ITGA11: variants seen among roughly 807,000 people sequenced by gnomAD.
ITGA11 encodes the protein integrin alpha-11.
ITGA11 carries 97 observed loss-of-function variants against 141.9 expected under a neutral mutation model. The ratio of observed to expected loss-of-function variants is 0.68; its 90% CI spans 0.58 to 0.81. The LOEUF (loss-of-function observed/expected upper bound fraction) is 0.81. Ranked by LOEUF, ITGA11 falls within the 30% of genes least tolerant of loss-of-function variation. The probability of loss-of-function intolerance (pLI) is 0.00; values close to 1 mark genes in which losing one functional copy is unlikely to be tolerated. For missense variants in ITGA11, 1,387 were observed against 1,559.2 expected (o/e 0.89, Z 1.86); for synonymous variants, 658 against 624.6 (o/e 1.05, Z -0.80).
chr15:68,341,608 CT>C (rs1894572445), intron 10 of ITGA11, among the ~76,000 whole-genome samples: 1 of 152,222 alleles, frequency 6.6e-6, no homozygotes, highest in Non-Finnish European at 1.5e-5. Context: ...CATTTTCCAC[CT>C]GAACCCTCCT....
At chr15:68,365,115 G>A (rs535956492) in intron 3 of ITGA11, 70 of 982,458 alleles carry the variant, frequency 7.1e-5, no homozygotes, top group African/African-American at 2.4e-4. Flanking sequence ...CCACTTCCCC[G>A]TGTGCCCCCA....
At chr15:68,316,321 G>A (rs1483312330) in intron 21 of ITGA11, among the ~76,000 whole-genome samples, 1 of 152,216 alleles carries the variant, frequency 6.6e-6, no homozygotes, top group Non-Finnish European at 1.5e-5. Flanking sequence ...GCCCCGCGGT[G>A]GGGAAACATG....
chr15:68,337,659 G>C (rs575451528), intron 11 of ITGA11, among the ~76,000 whole-genome samples: 249 of 152,120 alleles, frequency 1.6e-3, no homozygotes, highest in African/African-American at 5.7e-3. Context: ...GGGGAAGCAG[G>C]GTGGCTTTGC....
In ITGA11 at chr15:68,357,150, C is replaced by T; in HGVS notation, c.749+1G>A. ...TTTTTTTTGTTCTACTTTTTTTTTACCGTGCAAATTCAATGCCAAATGCCG... is the reference window on the plus strand; with the variant it reads ...TTTTTTTTGTTCTACTTTTTTTTTATCGTGCAAATTCAATGCCAAATGCCG... On this transcript the variant is annotated splice_donor_variant, in intron 7 of 29. Transcript: ENST00000315757. LOFTEE classifies it high-confidence loss of function. The T allele has an allele frequency of 6.2e-7, 1 of 1,601,474 alleles. No individual in the cohort carries two copies. The highest frequency in any genetic ancestry group is 8.5e-7 in the Non-Finnish European group (1 of 1,176,630).
intron 22 of ITGA11, 104 bp from the exon 23 acceptor site, chr15:68,313,972 G>T: frequency 1.2e-6 from 1 of 847,184 alleles, no homozygotes; most frequent in Non-Finnish European, 1.9e-6. Flanking sequence ...GCTTATCTGG[G>T]GCTGATGGGC....
At chr15:68,343,002 T>TCC in intron 10 of ITGA11, among the ~76,000 whole-genome samples, 1 of 20,220 alleles carries the variant, frequency 4.9e-5, no homozygotes. Flanking sequence ...AGTTCTTCTC[T>TCC]CTCTCTCTCT....
chr15:68,377,472 C>T (rs962145517), intron 2 of ITGA11, among the ~76,000 whole-genome samples: 1 of 77,496 alleles, frequency 1.3e-5, no homozygotes, highest in Non-Finnish European at 3.4e-5. Context: ...AGGGTTTCAC[C>T]ATTTGGCCAG....
chr15:68,328,375 G>C lies in ITGA11; in HGVS notation c.1902-113C>G, dbSNP rs1271766030. On this transcript the variant is annotated intron_variant, in intron 15 of 29. Transcript: ENST00000315757. This position sits in a 1 kb window ranked among gnomAD's most constrained non-coding sequence, Gnocchi z 4.8. ...AGTGGGATCTGCAAAGCCACTGGAG[G>C]GGGTGAGGTGGAGGATGGAGGGGGC... The C allele has an allele frequency of 9.8e-6, 9 of 918,438 alleles. No homozygotes were observed. In the East Asian group the frequency reaches 1.2e-4, roughly 13 times the overall value. The allele number at this position is 918,438 out of a possible 1,614,324, so 56.9% of individuals were successfully genotyped here.
At chr15:68,430,075 C>T (rs1897234807) in intron 1 of ITGA11, among the ~76,000 whole-genome samples, 1 of 152,182 alleles carries the variant, frequency 6.6e-6, no homozygotes, top group Admixed American at 6.5e-5. Context: ...TCCTTGCAAG[C>T]AGATGTCATT....
rs906987930 is a variant in ITGA11 at position 68,348,911 on chromosome 15, G to A, written c.1061-11C>T. ...CGTTCTTGTTGGTGCCTGCAACAGAGTGACAGAGAGATGTCAGCTCCATGC... is the reference window on the plus strand; with the variant it reads ...CGTTCTTGTTGGTGCCTGCAACAGAATGACAGAGAGATGTCAGCTCCATGC... On this transcript the variant is annotated splice_polypyrimidine_tract_variant and intron_variant, in intron 9 of 29. Coordinates refer to ENST00000315757, the MANE Select transcript of ITGA11 (RefSeq NM_001004439.2). 9 of 1,599,824 alleles carry A rather than the reference G, an allele frequency of 5.6e-6. No individual in the cohort carries two copies. The African/African-American group carries it at 1.1e-4, about 19-fold the overall frequency.
intron 1 of ITGA11, among the ~76,000 whole-genome samples, chr15:68,415,495 C>T (rs1427531856): frequency 1.3e-5 from 2 of 152,146 alleles, no homozygotes; most frequent in African/African-American, 4.8e-5. Context: ...ATGAGCACAC[C>T]CCTCATTTCT....
chr15:68,307,637 C>T lies in ITGA11; in HGVS notation c.3234G>A (p.Gln1078=), dbSNP rs748298800. Residue 1078 remains glutamine, a synonymous_variant, in exon 27 of 30, where the codon CAG becomes CAA. Coordinates refer to ENST00000315757, the MANE Select transcript of ITGA11 (RefSeq NM_001004439.2). This position sits in a 1 kb window ranked among gnomAD's most constrained non-coding sequence, Gnocchi z 6.1. ...INCNIRLVPN[Q]EINFHLLGNL... is the part of the protein sequence containing the mutation. ...TCCCCAGTAGATGGAAATTGATTTCCTGGTTGGGGACCAGCCGTATATTGC... is the reference window on the plus strand; with the variant it reads ...TCCCCAGTAGATGGAAATTGATTTCTTGGTTGGGGACCAGCCGTATATTGC... 7 of 1,613,810 alleles carry T rather than the reference C, an allele frequency of 4.3e-6. No individual in the cohort carries two copies. In the South Asian group the frequency reaches 6.6e-5, roughly 15 times the overall value.
intron 20 of ITGA11, 132 bp downstream of exon 20, chr15:68,320,053 G>A: frequency 1.3e-6 from 1 of 762,844 alleles, no homozygotes; most frequent in Non-Finnish European, 2.2e-6. Flanking sequence ...GCCTCCCAAA[G>A]TGCTAGGATT....
chr15:68,336,100 G>A, intron 11 of ITGA11: 1 of 553,204 alleles, frequency 1.8e-6, no homozygotes, highest in Admixed American at 3.2e-5. Context: ...AGAAAATAAA[G>A]GAAGCCAGGT....
intron 2 of ITGA11, among the ~76,000 whole-genome samples, chr15:68,385,888 A>C (rs1895973864): frequency 1.3e-5 from 2 of 152,032 alleles, no homozygotes; most frequent in African/African-American, 4.8e-5. Context: ...GACCCCTCCC[A>C]GGCCTGGGGA....
At position 68,297,458 on chromosome 15, in the gene ITGA11, AAAAG is replaced by A. The variant is rs1052781638; in HGVS notation, c.*5597_*5600del. On this transcript the variant is annotated 3_prime_UTR_variant, in exon 30 of 30. Transcript: ENST00000315757. ...TTTTTTTTTTTTTTTTTTTTTATCCAAAAGAAAGCTATGTCTGGTTAGGTAAATC... is the reference window on the plus strand; with the variant it reads ...TTTTTTTTTTTTTTTTTTTTTATCCAAAAGCTATGTCTGGTTAGGTAAATC... 1 of 137,980 alleles carries A rather than the reference AAAAG, an allele frequency of 7.2e-6. No homozygotes were observed. The highest frequency in any genetic ancestry group is 1.6e-5 in the Non-Finnish European group (1 of 64,264). The allele number at this position is 137,980 out of a possible 1,614,324, so 8.5% of individuals were successfully genotyped here.
intron 21 of ITGA11, among the ~76,000 whole-genome samples, chr15:68,317,059 G>A (rs1893604167): frequency 6.6e-6 from 1 of 152,232 alleles, no homozygotes; most frequent in Admixed American, 6.5e-5. Flanking sequence ...TGAGTTAAAG[G>A]ATGGGCTGCT....
intron 10 of ITGA11, among the ~76,000 whole-genome samples, chr15:68,344,052 GA>G (rs1390660333): frequency 6.6e-6 from 1 of 152,158 alleles, no homozygotes; most frequent in East Asian, 1.9e-4. Context: ...GAGGCCCTGG[GA>G]AAGAGACCCA....
At chr15:68,420,640 T>C (rs191267233) in intron 1 of ITGA11, among the ~76,000 whole-genome samples, 1,424 of 141,960 alleles carry the variant, frequency 0.01, 19 homozygotes, top group African/African-American at 0.04. Context: ...GATTAGTAAA[T>C]GGGATTTCTA....
Sources: allele counts gnomAD v4.1 joint callset (sites outside exome capture counted in the v4.1 genomes callset), GRCh38; gene constraint gnomAD v4.1.1; non-coding constraint Gnocchi (gnomAD v3.1); transcripts MANE v1.5; gene names NCBI Gene and HGNC (gene_info 2026-07-23, HGNC 2026-07-21).